The following OR4D1 variants were observed in gnomAD, a reference collection of about 807,000 sequenced individuals.
OR4D1 encodes olfactory receptor 4D1.
In OR4D1, 10 loss-of-function variants were observed where a neutral mutation model predicts 14.2. That is an observed-to-expected ratio of 0.71 (90% CI 0.44 to 1.20). The LOEUF (loss-of-function observed/expected upper bound fraction) is 1.20. Among genes scored for constraint, OR4D1 ranks in the 50% most tolerant of loss-of-function variants. OR4D1 has a pLI of 0.00. For synonymous variants in OR4D1, 141 were observed against 147.4 expected, an observed-to-expected ratio of 0.96 and a Z score of 0.32; for missense variants, 345 against 376.6, an observed-to-expected ratio of 0.92 and a Z score of 0.70.
chr17:58,154,258 C>G (rs1967737763), intron 3 of OR4D1, among the ~76,000 whole-genome samples: 1 of 143,728 alleles, frequency 7.0e-6, no homozygotes, highest in African/African-American at 2.6e-5. Context: ...CTGCATCCAG[C>G]CAACCCTCTT....
At position 58,157,422 on chromosome 17, in the gene OR4D1, C is replaced by A. The variant is rs1967790684; in HGVS notation, c.*1336C>A. On this transcript the variant is annotated 3_prime_UTR_variant, in exon 4 of 4. Coordinates refer to ENST00000268912, the MANE Select transcript of OR4D1 (RefSeq NM_001386095.1). ...ACCTGCACCCTGAGAAAACACAAGA[C>A]CAATCCGAAGCCGCGCACAGCCTTT... The A allele has an allele frequency of 1.7e-6, 2 of 1,160,370 alleles. No individual in the cohort carries two copies. The highest frequency in any genetic ancestry group is 1.3e-5 in the South Asian group (1 of 76,212). The allele number at this position is 1,160,370 out of a possible 1,614,324, so 71.9% of individuals were successfully genotyped here. A position where few individuals can be genotyped will look rare whatever the true frequency, so the allele number is the denominator to read the frequency against.
Position 58,156,870 on chromosome 17 carries a change from T to C in OR4D1, c.*784T>C, listed in dbSNP as rs1243513884. On this transcript the variant is annotated 3_prime_UTR_variant, in exon 4 of 4. Coordinates refer to ENST00000268912, the MANE Select transcript of OR4D1 (RefSeq NM_001386095.1). ...CTTAACTCTGGGACAGTTACATTCT[T>C]TTCTGCTCCCCACCTCCCTGCCTCA... The C allele has an allele frequency of 8.0e-6, 4 of 497,872 alleles. No homozygotes were observed. In the East Asian group the frequency reaches 1.1e-4, roughly 14 times the overall value. 30.8% of individuals were successfully genotyped at this position (497,872 alleles called of 1,614,324 possible). A position where few individuals can be genotyped will look rare whatever the true frequency, so the allele number is the denominator to read the frequency against.
intron 3 of OR4D1, among the ~76,000 whole-genome samples, 191 bp from the exon 4 acceptor site, chr17:58,154,944 G>C (rs986261318): frequency 2.6e-5 from 4 of 152,148 alleles, no homozygotes; most frequent in African/African-American, 9.7e-5. Context: ...TGTAGGGCGT[G>C]GTCAGGGAAG....
chr17:58,150,822 TTC>T (rs1159913614), intron 2 of OR4D1, among the ~76,000 whole-genome samples: 7 of 152,274 alleles, frequency 4.6e-5, no homozygotes, highest in African/African-American at 1.4e-4. Flanking sequence ...TTCCTCAGTG[TTC>T]TGAGGTTTCT....
intron 3 of OR4D1, among the ~76,000 whole-genome samples, chr17:58,154,714 T>G (rs1003187797): frequency 2.6e-5 from 4 of 152,260 alleles, no homozygotes; most frequent in African/African-American, 9.6e-5. Flanking sequence ...CAACTGTATA[T>G]CCTATCAAGA....
chr17:58,157,564 C>T lies in OR4D1; in HGVS notation c.*1478C>T. 3 of 1,577,660 alleles carry T rather than the reference C, an allele frequency of 1.9e-6. No individual in the cohort carries two copies. Among genetic ancestry groups the T allele is most frequent in the Non-Finnish European group, 1.7e-6 (2 of 1,147,116 alleles). On this transcript the variant is annotated 3_prime_UTR_variant, in exon 4 of 4. Transcript: ENST00000268912. The stretch of plus-strand genomic sequence containing the variant: ...ACCTCACGGAGACTCAGGTCAAAAT[C>T]TTGTTCCAGAACCGAAGGGCCAAGA...
In OR4D1 at chr17:58,156,166, T is replaced by C; in HGVS notation, c.*80T>C. 1.1e-6 allele frequency: 1 copy of C among 951,590 alleles called. No homozygotes were observed. Among genetic ancestry groups the C allele is most frequent in the East Asian group, 2.6e-5 (1 of 38,334 alleles). 58.9% of individuals were successfully genotyped at this position (951,590 alleles called of 1,614,324 possible). On this transcript the variant is annotated 3_prime_UTR_variant, in exon 4 of 4. Coordinates refer to ENST00000268912, the MANE Select transcript of OR4D1 (RefSeq NM_001386095.1). ...CATGAAAAATGGAGGAAAGTCTTTA[T>C]AAAGCATAACAAATCAGATTACACT...
In OR4D1 at chr17:58,158,298, ATAT is replaced by A. The variant is rs1178348760; in HGVS notation, c.*2215_*2217del. The A allele has an allele frequency of 1.3e-5, 2 of 152,210 alleles. No homozygotes were observed. The highest frequency in any genetic ancestry group is 4.8e-5 in the African/African-American group (2 of 41,434). 9.4% of individuals were successfully genotyped at this position (152,210 alleles called of 1,614,324 possible). A position where few individuals can be genotyped will look rare whatever the true frequency, so the allele number is the denominator to read the frequency against. ...ATTGACTTCTGCTTATGGAAAACAA[ATAT>A]TAGAATTGGACATAATGCACATAGA... On this transcript the variant is annotated 3_prime_UTR_variant, in exon 4 of 4. Coordinates refer to ENST00000268912, the MANE Select transcript of OR4D1 (RefSeq NM_001386095.1).
At position 58,157,390 on chromosome 17, in the gene OR4D1, C is replaced by A; in HGVS notation, c.*1304C>A. On this transcript the variant is annotated 3_prime_UTR_variant, in exon 4 of 4. Transcript: ENST00000268912. ...ATTCGCCGCCGCCAAGACACGTGAG[C>A]CCTACCACCTGCACCCTGAGAAAAC... 8.1e-7 allele frequency: 1 copy of A among 1,231,078 alleles called. No homozygotes were observed. 76.3% of individuals were successfully genotyped at this position (1,231,078 alleles called of 1,614,324 possible).
Position 58,155,715 on chromosome 17 carries a change from G to C in OR4D1, c.562G>C (p.Ala188Pro). The change falls in exon 4 of 4, where the codon GCC becomes CCC. Residue 188 changes from alanine to proline, a missense_variant. Coordinates refer to ENST00000268912, the MANE Select transcript of OR4D1 (RefSeq NM_001386095.1). ...YCDVPQVLRL[A>P]CTDTSLLEFL... is the part of the protein sequence containing the mutation. ...TGATGTTCCCCAAGTACTGAGACTT[G>C]CCTGCACTGATACCTCCCTCCTGGA... 1 of 1,614,076 alleles carries C rather than the reference G, an allele frequency of 6.2e-7. No homozygotes were observed. The highest frequency in any genetic ancestry group is 8.5e-7 in the Non-Finnish European group (1 of 1,179,998).
rs1266744791 is a variant in OR4D1, at chr17:58,157,110, C to A, written c.*1024C>A. The A allele has an allele frequency of 1.5e-5, 22 of 1,468,890 alleles. No individual in the cohort carries two copies. The South Asian group carries it at 2.4e-4, about 16-fold the overall frequency. 91.0% of individuals were successfully genotyped at this position (1,468,890 alleles called of 1,614,324 possible). On this transcript the variant is annotated 3_prime_UTR_variant, in exon 4 of 4. Transcript: ENST00000268912. ...GGACGCCGAGGCGGCCGCGGAGGAG[C>A]GCCGCGTCAAGGTCTCCAGCCTGCC...
chr17:58,157,609 A>G lies in OR4D1; in HGVS notation c.*1523A>G. On this transcript the variant is annotated 3_prime_UTR_variant, in exon 4 of 4. Transcript: ENST00000268912. ...CCAAGACGAAAAGACTGCAGGAGTCAGAACTGGAAAAGCTGAAAATGGCTG... is the reference window on the plus strand; with the variant it reads ...CCAAGACGAAAAGACTGCAGGAGTCGGAACTGGAAAAGCTGAAAATGGCTG... 1 of 1,613,750 alleles carries G rather than the reference A, an allele frequency of 6.2e-7. No individual in the cohort carries two copies. The highest frequency in any genetic ancestry group is 8.5e-7 in the Non-Finnish European group (1 of 1,179,722).
Position 58,155,160 on chromosome 17 carries a change from C to A in OR4D1, c.7C>A (p.Pro3Thr), listed in dbSNP as rs777112824. The A allele has an allele frequency of 1.5e-5, 24 of 1,607,954 alleles. No homozygotes were observed. The highest frequency in any genetic ancestry group is 2.0e-5 in the Non-Finnish European group (23 of 1,175,476). The change falls in exon 4 of 4, where the codon CCA (proline) becomes ACA (threonine). Residue 3 changes from proline (P) to threonine (T), a missense_variant. Coordinates refer to ENST00000268912, the MANE Select transcript of OR4D1 (RefSeq NM_001386095.1). ...GAACGTGGGGGAAGATCCTATGGAA[C>A]CACAGAACACCACACAGGTATCAAT... ME[P>T]QNTTQVSMFV... is the part of the protein sequence containing the mutation.
At position 58,153,918 on chromosome 17, in the gene OR4D1, T is replaced by G. The variant is rs1967733766; in HGVS notation, c.-65T>G. ...TCACTGCAGCCTTGATCTCCTGGGCTCAAGCAATCCTTCCACCTCAGCCTC... is the reference window on the plus strand; with the variant it reads ...TCACTGCAGCCTTGATCTCCTGGGCGCAAGCAATCCTTCCACCTCAGCCTC... On this transcript the variant is annotated 5_prime_UTR_variant, in exon 3 of 4. Transcript: ENST00000268912. 6.6e-6 allele frequency among the ~76,000 whole-genome samples: 1 copy of G among 152,196 alleles called. No homozygotes were observed. Among genetic ancestry groups the G allele is most frequent in the Non-Finnish European group, 1.5e-5 (1 of 68,036 alleles).
rs1967793967 is a variant in OR4D1 at position 58,157,658 on chromosome 17, T to A, written c.*1572T>A. On this transcript the variant is annotated 3_prime_UTR_variant, in exon 4 of 4. Transcript: ENST00000268912. ...TGCAAAACCTATGCTACCCTCCAGC[T>A]TCAGTCTCCCTTTCCCCATCAGCTC... is the stretch of plus-strand genomic sequence containing the variant. 6.2e-7 allele frequency: 1 copy of A among 1,613,752 alleles called. No homozygotes were observed. The highest frequency in any genetic ancestry group is 1.3e-5 in the African/African-American group (1 of 74,918).
In OR4D1 at chr17:58,155,376, A is replaced by G. The variant is rs746258445; in HGVS notation, c.223A>G (p.Thr75Ala). Residue 75 changes from threonine (T) to alanine (A), a missense_variant, in exon 4 of 4, where the codon ACA becomes GCA. Coordinates refer to ENST00000268912, the MANE Select transcript of OR4D1 (RefSeq NM_001386095.1). ...NLALIDLCYS[T>A]VTSPKMLVDF... The stretch of plus-strand genomic sequence containing the variant: ...AGCTCTCATAGACCTCTGCTATTCC[A>G]CAGTCACCTCTCCAAAGATGCTGGT... The G allele has an allele frequency of 6.2e-7, 1 of 1,614,028 alleles. No individual in the cohort carries two copies. The highest frequency in any genetic ancestry group is 1.7e-5 in the Admixed American group (1 of 60,012).
Position 58,155,971 on chromosome 17 carries a change from T to G in OR4D1, c.818T>G (p.Ile273Ser), listed in dbSNP as rs757884434. 2 of 1,613,980 alleles carry G rather than the reference T, an allele frequency of 1.2e-6. No individual in the cohort carries two copies. Among genetic ancestry groups the G allele is most frequent in the South Asian group, 2.2e-5 (2 of 91,074 alleles). ...TTCCTCATGGACAAGGCTGTGTCCA[T>G]CAGCTACACAGTCATGACCCCCATG... ...TPFLMDKAVS[I>S]SYTVMTPMLN... Residue 273 changes from isoleucine to serine, a missense_variant, in exon 4 of 4, where the codon ATC becomes AGC. Physicochemically the swap from Ile to Ser is moderately radical, Grantham distance 142 (BLOSUM62 -2). Transcript: ENST00000268912.
At position 58,157,215 on chromosome 17, in the gene OR4D1, G is replaced by C; in HGVS notation, c.*1129G>C. 9.6e-6 allele frequency: 14 copies of C among 1,463,850 alleles called. No homozygotes were observed. Among genetic ancestry groups the C allele is most frequent in the Non-Finnish European group, 1.3e-5 (14 of 1,110,286 alleles). 90.7% of individuals were successfully genotyped at this position (1,463,850 alleles called of 1,614,324 possible). On this transcript the variant is annotated 3_prime_UTR_variant, in exon 4 of 4. Transcript: ENST00000268912. ...AGTGCCGGCCAAAAGCGCCTCTTCC[G>C]GGGCCACCCTGCGGCTACTGCTGCT... is the stretch of plus-strand genomic sequence containing the variant.
chr17:58,149,494 G>C lies in OR4D1; in HGVS notation c.-429G>C, dbSNP rs144677840. The C allele has an allele frequency of 6.6e-6, 1 of 152,306 alleles. No individual in the cohort carries two copies. The highest frequency in any genetic ancestry group is 1.9e-4 in the East Asian group (1 of 5,180). The allele number at this position is 152,306 out of a possible 1,614,324, so 9.4% of individuals were successfully genotyped here. A position where few individuals can be genotyped will look rare whatever the true frequency, so the allele number is the denominator to read the frequency against. ...ATTAAGCAATCACACATTCTTTTGG[G>C]AACCAACTATGAGAAAGGGTCTGTG... is the stretch of plus-strand genomic sequence containing the variant. On this transcript the variant is annotated 5_prime_UTR_variant, in exon 2 of 4. Transcript: ENST00000268912.
Sources: allele counts gnomAD v4.1 joint callset (sites outside exome capture counted in the v4.1 genomes callset), GRCh38; gene constraint gnomAD v4.1.1; transcripts MANE v1.5; gene names NCBI Gene and HGNC (gene_info 2026-07-23, HGNC 2026-07-21).